The following PTK2B variants were observed in gnomAD, a reference collection of about 807,000 sequenced individuals.
The protein encoded by PTK2B is protein tyrosine kinase 2 beta, also known as protein-tyrosine kinase 2-beta.
A neutral mutation model predicts 142.9 loss-of-function variants in PTK2B; 71 were observed. The observed-to-expected ratio is 0.50, with a 90% CI of 0.41 to 0.61. The LOEUF is 0.61. Among genes scored for constraint, PTK2B ranks in the 20% least tolerant of loss-of-function variants. PTK2B has a pLI of 0.00. For synonymous variants in PTK2B, 519 were observed against 503.4 expected, an observed-to-expected ratio of 1.03 and a Z score of -0.42; for missense variants, 1,105 against 1,320.4, an observed-to-expected ratio of 0.84 and a Z score of 2.53.
At chr8:27,378,805 C>A (rs1260939507) in intron 1 of PTK2B, among the ~76,000 whole-genome samples, 1 of 152,184 alleles carries the variant, frequency 6.6e-6, no homozygotes, top group African/African-American at 2.4e-5. Flanking sequence ...TAGGGGAGAG[C>A]AGCACACAGT....
upstream of PTK2B, chr8:27,311,182 C>A (rs915497088): frequency 6.2e-7 from 1 of 1,605,344 alleles, no homozygotes; most frequent in Non-Finnish European, 8.5e-7. Context: ...CGCAGAGCAA[C>A]TCCTCCTTGA....
intron 1 of PTK2B, among the ~76,000 whole-genome samples, chr8:27,338,894 A>G (rs1229250342): frequency 6.6e-6 from 1 of 152,226 alleles, no homozygotes; most frequent in Non-Finnish European, 1.5e-5. Context: ...GAATGAACAA[A>G]AGAAGAAATG....
chr8:27,410,405 G>A (rs1019499974), intron 2 of PTK2B, among the ~76,000 whole-genome samples: 2 of 152,232 alleles, frequency 1.3e-5, no homozygotes. Flanking sequence ...TAGGTATTAT[G>A]TGTGTTCACC....
chr8:27,396,654 T>C (rs1000889741), intron 1 of PTK2B, among the ~76,000 whole-genome samples: 11 of 152,258 alleles, frequency 7.2e-5, no homozygotes, highest in Non-Finnish European at 1.5e-5. Context: ...TATCCACTTC[T>C]TCCTTTGGGC....
intron 1 of PTK2B, among the ~76,000 whole-genome samples, chr8:27,366,112 C>T (rs1247888474): frequency 6.6e-6 from 1 of 152,228 alleles, no homozygotes; most frequent in Non-Finnish European, 1.5e-5. Context: ...TGTGCTACTT[C>T]CTGTGATTGA....
chr8:27,443,440 C>T, intron 22 of PTK2B, among the ~76,000 whole-genome samples: 1 of 152,188 alleles, frequency 6.6e-6, no homozygotes, highest in East Asian at 1.9e-4. Context: ...CAACAAAAGA[C>T]CACAGACCAA....
chr8:27,321,197 C>T (rs1237835888), upstream of PTK2B, among the ~76,000 whole-genome samples: 1 of 151,730 alleles, frequency 6.6e-6, no homozygotes, highest in Admixed American at 6.6e-5. Flanking sequence ...AGTCTTGCCA[C>T]GTTGGCCAGG....
chr8:27,323,740 C>T (rs545650693), upstream of PTK2B, among the ~76,000 whole-genome samples: 1 of 152,072 alleles, frequency 6.6e-6, no homozygotes, highest in African/African-American at 2.4e-5. Flanking sequence ...GAGTTGGCCA[C>T]CCCAGAGAGT....
chr8:27,454,135 A>G lies in PTK2B; in HGVS notation c.2596-19A>G. On this transcript the variant is annotated intron_variant, in intron 28 of 30. Coordinates refer to ENST00000346049, the MANE Select transcript of PTK2B (RefSeq NM_173176.3). The stretch of plus-strand genomic sequence containing the variant: ...CCTGGCTCTCCCCAACTCACTGGCC[A>G]CCTGCGTCTTCCCCTCAGTCCATCC... 6.2e-7 allele frequency: 1 copy of G among 1,613,772 alleles called. No individual in the cohort carries two copies.
intron 1 of PTK2B, among the ~76,000 whole-genome samples, chr8:27,394,496 T>TG (rs1807919773): frequency 6.6e-6 from 1 of 152,146 alleles, no homozygotes; most frequent in Non-Finnish European, 1.5e-5. Flanking sequence ...GCACTTACAG[T>TG]GAATGGAGCT....
At chr8:27,414,873 C>G (rs1269918290) in intron 2 of PTK2B, among the ~76,000 whole-genome samples, 1 of 146,102 alleles carries the variant, frequency 6.8e-6, no homozygotes, top group African/African-American at 2.5e-5. Context: ...ATCACTCCAA[C>G]CATCTCTCTT....
chr8:27,380,432 G>A (rs1806942345), intron 1 of PTK2B, among the ~76,000 whole-genome samples: 1 of 152,096 alleles, frequency 6.6e-6, no homozygotes, highest in African/African-American at 2.4e-5. Flanking sequence ...GGGATTTCTC[G>A]CTACCACATG....
intron 1 of PTK2B, among the ~76,000 whole-genome samples, chr8:27,336,992 A>G (rs28547290): frequency 0.82 from 115,304 of 140,078 alleles, 45,847 homozygotes; most frequent in Middle Eastern, 0.88. Context: ...TCCCCCCGCC[A>G]CTGCCAGTTT....
chr8:27,351,738 T>G (rs577522453), intron 1 of PTK2B, among the ~76,000 whole-genome samples: 8 of 152,362 alleles, frequency 5.3e-5, no homozygotes, highest in African/African-American at 1.9e-4. Context: ...TAGACTTATC[T>G]ATGGGGAAAC....
chr8:27,436,869 GTCC>G (rs1810811888), intron 15 of PTK2B, among the ~76,000 whole-genome samples: 1 of 152,208 alleles, frequency 6.6e-6, no homozygotes, highest in Admixed American at 6.5e-5. Context: ...CAGTCTCAGT[GTCC>G]TCATCTGGAT....
intron 2 of PTK2B, among the ~76,000 whole-genome samples, chr8:27,409,674 A>AT (rs796834414): frequency 2.6e-5 from 4 of 152,332 alleles, no homozygotes; most frequent in African/African-American, 9.6e-5. Context: ...ACCTGCATTG[A>AT]TTTTGTCCTC....
chr8:27,404,152 C>T (rs2131538960), intron 2 of PTK2B, among the ~76,000 whole-genome samples: 1 of 152,266 alleles, frequency 6.6e-6, no homozygotes, highest in South Asian at 2.1e-4. Flanking sequence ...TCACCTTCGT[C>T]TAAGGCCCTG....
At position 27,431,978 on chromosome 8, in the gene PTK2B, G is replaced by C. The variant is rs1586309541; in HGVS notation, c.886-282G>C. 1.6e-5 allele frequency: 6 copies of C among 371,212 alleles called. No homozygotes were observed. The East Asian group carries it at 2.5e-4, about 15-fold the overall frequency. The allele number at this position is 371,212 out of a possible 1,614,324, so 23.0% of individuals were successfully genotyped here. Reference sequence around the variant, plus strand: ...TTCGTAAACTTTCTTAAAACATGTTGAGATTTTTTTGTGCGATTTTTTTTT... The same window carrying C: ...TTCGTAAACTTTCTTAAAACATGTTCAGATTTTTTTGTGCGATTTTTTTTT... On this transcript the variant is annotated intron_variant, in intron 9 of 30. Transcript: ENST00000346049.
At position 27,453,389 on chromosome 8, in the gene PTK2B, C is replaced by G. The variant is rs187188816; in HGVS notation, c.2595+229C>G. Among the ~76,000 whole-genome samples the G allele has an allele frequency of 3.7e-4, 56 of 152,316 alleles. No homozygotes were observed. In the East Asian group the frequency reaches 9.8e-3, roughly 27 times the overall value. On this transcript the variant is annotated intron_variant, in intron 28 of 30. Coordinates refer to ENST00000346049, the MANE Select transcript of PTK2B (RefSeq NM_173176.3). ...AACCAATCTCCCACTCTCCATCCCC[C>G]TCCCAGACTTGGAGTAGAGCTCCCT...
Sources: gnomAD v4.1 joint callset for allele counts (sites outside exome capture counted in the v4.1 genomes callset) on GRCh38, gnomAD v4.1.1 for gene constraint, MANE v1.5 for transcripts, NCBI Gene and HGNC (gene_info 2026-07-23, HGNC 2026-07-21) for gene names.